CAMTA1: variants seen among roughly 807,000 people sequenced by gnomAD.
CAMTA1 encodes the protein calmodulin binding transcription activator 1, also known as calmodulin-binding transcription activator 1.
A neutral mutation model predicts 170.9 loss-of-function variants in CAMTA1; 27 were observed. The observed-to-expected ratio is 0.16, with a 90% CI of 0.12 to 0.22. The LOEUF is 0.22. Ranked by LOEUF, CAMTA1 falls within the 10% of genes least tolerant of loss-of-function variation. The pLI, the probability that CAMTA1 is intolerant of heterozygous loss-of-function variation, is 1.00. For synonymous variants in CAMTA1, 833 were observed against 891.5 expected (o/e 0.93, Z 1.17); for missense variants, 1,619 against 2,217.2 (o/e 0.73, Z 5.42).
chr1:7,503,481 G>C (rs1051961135), intron 6 of CAMTA1, among the ~76,000 whole-genome samples: 1 of 152,178 alleles, frequency 6.6e-6, no homozygotes, highest in African/African-American at 2.4e-5. Flanking sequence ...CCTGGCCCTG[G>C]CTGGCCACCT....
At chr1:6,863,360 A>G (rs1252294517) in intron 3 of CAMTA1, among the ~76,000 whole-genome samples, 1 of 151,746 alleles carries the variant, frequency 6.6e-6, no homozygotes, top group African/African-American at 2.4e-5. Flanking sequence ...GCCCTTCTCT[A>G]TATTCCTTCT....
At chr1:7,735,046 T>C (rs1390688916) in intron 12 of CAMTA1, among the ~76,000 whole-genome samples, 1 of 152,228 alleles carries the variant, frequency 6.6e-6, no homozygotes, top group Non-Finnish European at 1.5e-5. Context: ...CTCTTTCCTA[T>C]AGCCCTTATT....
chr1:7,159,908 A>G (rs1647106376), intron 4 of CAMTA1, among the ~76,000 whole-genome samples: 1 of 152,148 alleles, frequency 6.6e-6, no homozygotes, highest in South Asian at 2.1e-4. Context: ...GTATTGTTCC[A>G]TAAAGATTAG....
At chr1:7,354,350 C>T (rs189531013) in intron 5 of CAMTA1, among the ~76,000 whole-genome samples, 10 of 152,102 alleles carry the variant, frequency 6.6e-5, no homozygotes, top group African/African-American at 1.9e-4. Flanking sequence ...GGGGTTTCAC[C>T]GTGTTAGCCA....
chr1:7,087,132 C>G (rs1290284389), intron 3 of CAMTA1, among the ~76,000 whole-genome samples: 3 of 152,230 alleles, frequency 2.0e-5, no homozygotes, highest in Non-Finnish European at 4.4e-5. Context: ...GTGTTTTCAT[C>G]TGCCGCCTTT....
chr1:7,164,457 C>T (rs1187803979), intron 4 of CAMTA1, among the ~76,000 whole-genome samples: 8 of 152,212 alleles, frequency 5.3e-5, no homozygotes, highest in African/African-American at 7.2e-5. Context: ...TGGATGCCAG[C>T]GTGGCCCGTG....
At chr1:7,438,493 G>C (rs2149394068) in intron 5 of CAMTA1, among the ~76,000 whole-genome samples, 1 of 152,274 alleles carries the variant, frequency 6.6e-6, no homozygotes, top group East Asian at 1.9e-4. Flanking sequence ...CCTGGGCTCA[G>C]CCAGGAATCT....
chr1:7,461,083 GCCCCCGCGGGTATTAT>G (rs1159740896), intron 5 of CAMTA1, among the ~76,000 whole-genome samples: 1 of 151,988 alleles, frequency 6.6e-6, no homozygotes, highest in Non-Finnish European at 1.5e-5. Flanking sequence ...CCTGTCTGCC[GCCCCCGCGGGTATTAT>G]CCTTGCATTA....
At chr1:7,240,067 C>T (rs1361905978) in intron 4 of CAMTA1, among the ~76,000 whole-genome samples, 3 of 152,186 alleles carry the variant, frequency 2.0e-5, no homozygotes, top group African/African-American at 7.2e-5. Flanking sequence ...TAGGGGGACA[C>T]ATCCAAACCA....
intron 3 of CAMTA1, among the ~76,000 whole-genome samples, chr1:6,890,087 C>G (rs141404146): frequency 6.6e-6 from 1 of 152,162 alleles, no homozygotes. Context: ...ACACAGAGGA[C>G]GTCAGGCAGA....
intron 6 of CAMTA1, among the ~76,000 whole-genome samples, chr1:7,493,109 TACAC>T (rs150857505): frequency 4.4e-5 from 5 of 114,768 alleles, no homozygotes; most frequent in East Asian, 5.5e-4. Flanking sequence ...CAAACCTACA[TACAC>T]ACACGCGCAC....
At chr1:7,577,562 C>T (rs2095212028) in intron 6 of CAMTA1, among the ~76,000 whole-genome samples, 1 of 146,850 alleles carries the variant, frequency 6.8e-6, no homozygotes, top group Non-Finnish European at 1.5e-5. Context: ...CCCTACAACC[C>T]TTTTTTTTTT....
rs1447277490 is a variant in CAMTA1 at position 6,785,634 on chromosome 1, C to G, written c.45+59C>G. 26 of 946,472 alleles carry G rather than the reference C, an allele frequency of 2.7e-5. No homozygotes were observed. The African/African-American group carries it at 4.9e-4, about 18-fold the overall frequency. 58.6% of individuals were successfully genotyped at this position (946,472 alleles called of 1,614,324 possible). A position where few individuals can be genotyped will look rare whatever the true frequency, so the allele number is the denominator to read the frequency against. On this transcript the variant is annotated intron_variant, in intron 1 of 22. Coordinates refer to ENST00000303635, the MANE Select transcript of CAMTA1 (RefSeq NM_015215.4). Reference sequence around the variant, plus strand: ...CGCGGCGGGCGGCGGGACCCGGCCCCGCCGGACATCCCGGGCATCGGCGGC... The same window carrying G: ...CGCGGCGGGCGGCGGGACCCGGCCCGGCCGGACATCCCGGGCATCGGCGGC...
chr1:6,992,710 T>C (rs1156535850), intron 3 of CAMTA1, among the ~76,000 whole-genome samples: 4 of 152,154 alleles, frequency 2.6e-5, no homozygotes, highest in African/African-American at 9.7e-5. Flanking sequence ...AAGTGGGAAG[T>C]GCCACATACT....
chr1:7,362,873 G>A (rs771579445), intron 5 of CAMTA1, among the ~76,000 whole-genome samples: 5 of 151,864 alleles, frequency 3.3e-5, no homozygotes, highest in African/African-American at 4.8e-5. Context: ...GTGGATTTGG[G>A]TAGAGGTGGT....
chr1:7,475,631 A>G (rs2093408670), intron 6 of CAMTA1, among the ~76,000 whole-genome samples: 1 of 152,068 alleles, frequency 6.6e-6, no homozygotes, highest in African/African-American at 2.4e-5. Flanking sequence ...CACGCTCACC[A>G]CCGTGCATGG....
chr1:7,264,317 A>G (rs890831891), intron 5 of CAMTA1, among the ~76,000 whole-genome samples: 5 of 152,180 alleles, frequency 3.3e-5, no homozygotes, highest in Non-Finnish European at 2.9e-5. Flanking sequence ...GTTGTATTCT[A>G]CAAAGGCTGC....
chr1:6,830,002 A>G (rs1649099905), intron 3 of CAMTA1, among the ~76,000 whole-genome samples: 3 of 151,862 alleles, frequency 2.0e-5, no homozygotes, highest in Non-Finnish European at 2.9e-5. Context: ...TCCTACGTGT[A>G]TTTTGATAGT....
chr1:6,875,658 G>A (rs1293716972), intron 3 of CAMTA1, among the ~76,000 whole-genome samples: 1 of 152,008 alleles, frequency 6.6e-6, no homozygotes, highest in Non-Finnish European at 1.5e-5. Flanking sequence ...CCCTCTTCCT[G>A]CCCCCCATGG....
Sources: gnomAD v4.1 joint callset for allele counts (sites outside exome capture counted in the v4.1 genomes callset) on GRCh38, gnomAD v4.1.1 for gene constraint, MANE v1.5 for transcripts, NCBI Gene and HGNC (gene_info 2026-07-23, HGNC 2026-07-21) for gene names.